USP50: variants seen among roughly 807,000 people sequenced by gnomAD.
USP50 encodes ubiquitin specific peptidase 50, also known as ubiquitin carboxyl-terminal hydrolase 50.
In USP50, 37 loss-of-function variants were observed where a neutral mutation model predicts 39.2. The ratio of observed to expected loss-of-function variants is 0.94; its 90% CI spans 0.73 to 1.24. The LOEUF (loss-of-function observed/expected upper bound fraction) is 1.24, where lower values mean the gene tolerates loss of function less well. Ranked by LOEUF, USP50 falls within the 50% of genes most tolerant of loss-of-function variation. The pLI is 0.00. For missense variants in USP50, 374 were observed against 398.2 expected (o/e 0.94, Z 0.52); for synonymous variants, 139 against 144.5 (o/e 0.96, Z 0.27).
At chr15:50,527,970 T>A (rs2141369573) in intron 6 of USP50, among the ~76,000 whole-genome samples, 1 of 152,224 alleles carries the variant, frequency 6.6e-6, no homozygotes, top group Non-Finnish European at 1.5e-5. Context: ...CTGATGAATC[T>A]TCAATTTGCA....
At chr15:50,525,508 G>GTA (rs945743312) in intron 6 of USP50, among the ~76,000 whole-genome samples, 4 of 129,532 alleles carry the variant, frequency 3.1e-5, no homozygotes, top group African/African-American at 1.2e-4. Flanking sequence ...GTATGTGTGT[G>GTA]TATATATATG....
chr15:50,532,376 A>C, intron 5 of USP50: 1 of 365,790 alleles, frequency 2.7e-6, no homozygotes, highest in Non-Finnish European at 5.4e-6. Flanking sequence ...AAAACACCCA[A>C]CTCCAGCCCA....
At chr15:50,545,937 A>G (rs1305165213) in intron 1 of USP50, among the ~76,000 whole-genome samples, 1 of 151,036 alleles carries the variant, frequency 6.6e-6, no homozygotes, top group Non-Finnish European at 1.5e-5. Flanking sequence ...AATTTTTTTA[A>G]GTGATTGATC....
intron 6 of USP50, 72 bp downstream of exon 6, chr15:50,529,725 T>C (rs1452212617): frequency 9.9e-6 from 15 of 1,517,738 alleles, no homozygotes; most frequent in Non-Finnish European, 1.3e-5. Flanking sequence ...ACAGGAGAAA[T>C]AGGGATTCAA....
chr15:50,521,335 C>A (rs2052849005), intron 6 of USP50, among the ~76,000 whole-genome samples: 1 of 152,184 alleles, frequency 6.6e-6, no homozygotes, highest in Admixed American at 6.5e-5. Context: ...AGCCACCATG[C>A]CCAGCCAAAA....
intron 5 of USP50, among the ~76,000 whole-genome samples, chr15:50,533,472 G>T (rs930827684): frequency 6.6e-6 from 1 of 151,730 alleles, no homozygotes; most frequent in African/African-American, 2.4e-5. Flanking sequence ...AGCCAGAGTG[G>T]GGGGGAAAAA....
At chr15:50,516,020 G>A (rs2052800921) in intron 6 of USP50, among the ~76,000 whole-genome samples, 1 of 152,148 alleles carries the variant, frequency 6.6e-6, no homozygotes, top group South Asian at 2.1e-4. Flanking sequence ...ATAAAATGTT[G>A]AGGGGGAGTA....
Position 50,530,603 on chromosome 15 carries a change from A to T in USP50, c.804-674T>A, listed in dbSNP as rs148172654. ...CTTTCCAAAAATAAAAAATAAAAAA[A>T]AAAAGTAATTTCCTGGAAAGATTAT... is the stretch of plus-strand genomic sequence containing the variant. On this transcript the variant is annotated intron_variant, in intron 5 of 6. Transcript: ENST00000532404. Among the ~76,000 whole-genome samples, 26 of 152,306 alleles carry T rather than the reference A, an allele frequency of 1.7e-4. 1 individual carries two copies. The South Asian group carries it at 1.9e-3, about 11-fold the overall frequency.
chr15:50,536,207 A>G (rs2052979011), intron 5 of USP50, among the ~76,000 whole-genome samples: 1 of 152,242 alleles, frequency 6.6e-6, no homozygotes, highest in African/African-American at 2.4e-5. Flanking sequence ...TACAGATGAC[A>G]TGATTGTATA....
intron 6 of USP50, among the ~76,000 whole-genome samples, chr15:50,525,267 G>A (rs902776523): frequency 2.0e-5 from 3 of 152,088 alleles, no homozygotes; most frequent in African/African-American, 7.2e-5. Context: ...GCTGGGGAGG[G>A]GAGTGAGGAA....
At position 50,536,705 on chromosome 15, in the gene USP50, C is replaced by G. The variant is rs1003347931; in HGVS notation, c.803+2004G>C. Among the ~76,000 whole-genome samples, 7 of 151,802 alleles carry G rather than the reference C, an allele frequency of 4.6e-5. No individual in the cohort carries two copies. In the South Asian group the frequency reaches 6.2e-4, roughly 14 times the overall value. ...ACACAATACCATTCACATTAGCACCCTCAAAAATGAAATACTTAGTTATAA... is the reference window on the plus strand; with the variant it reads ...ACACAATACCATTCACATTAGCACCGTCAAAAATGAAATACTTAGTTATAA... On this transcript the variant is annotated intron_variant, in intron 5 of 6. Coordinates refer to ENST00000532404, the MANE Select transcript of USP50 (RefSeq NM_203494.5).
At chr15:50,493,093 G>C (rs1457918050), downstream of USP50, 1 of 708,596 alleles carries the variant, frequency 1.4e-6, no homozygotes, top group East Asian at 2.9e-5. Flanking sequence ...CTAGGTGCCG[G>C]CATCTGGTGC....
chr15:50,544,964 A>G (rs1000087900), intron 1 of USP50, among the ~76,000 whole-genome samples, 183 bp from the exon 2 acceptor site: 2 of 152,170 alleles, frequency 1.3e-5, no homozygotes, highest in African/African-American at 4.8e-5. Context: ...ATGGCAGAGC[A>G]TAGTGGCTCA....
chr15:50,496,052 C>T (rs770389343), downstream of USP50: 3 of 1,612,996 alleles, frequency 1.9e-6, no homozygotes, highest in Non-Finnish European at 2.5e-6. Context: ...TTTGTCTCTA[C>T]CACTAGCATC....
chr15:50,537,519 A>T (rs1384269569), intron 5 of USP50, among the ~76,000 whole-genome samples: 1 of 136,528 alleles, frequency 7.3e-6, no homozygotes, highest in Non-Finnish European at 1.6e-5. Flanking sequence ...GCCATGGACT[A>T]AAAAAAAAAA....
At chr15:50,536,700 G>A (rs906356191) in intron 5 of USP50, among the ~76,000 whole-genome samples, 21 of 151,574 alleles carry the variant, frequency 1.4e-4, no homozygotes, top group African/African-American at 5.1e-4. Context: ...ATTCACATTA[G>A]CACCCTCAAA....
intron 3 of USP50, among the ~76,000 whole-genome samples, chr15:50,541,736 C>T (rs566458152): frequency 6.6e-6 from 1 of 152,136 alleles, no homozygotes; most frequent in African/African-American, 2.4e-5. Flanking sequence ...CCCATGGCCC[C>T]ATAAGCTACC....
At position 50,541,190 on chromosome 15, in the gene USP50, C is replaced by T; in HGVS notation, c.519G>A (p.Glu173=). Reference sequence around the variant, plus strand: ...CAAACAGCTGGGTGATGATGGATGTCTCAGTGGTAATCCACTTCCTGCAGC... The same window carrying T: ...CAAACAGCTGGGTGATGATGGATGTTTCAGTGGTAATCCACTTCCTGCAGC... ...QRCCRKWITT[E]TSIITQLFEE... is the part of the protein sequence containing the mutation. The change falls in exon 4 of 7, where the codon GAG becomes GAA. Residue 173 remains glutamate, a synonymous_variant. Coordinates refer to ENST00000532404, the MANE Select transcript of USP50 (RefSeq NM_203494.5). 1 of 1,613,928 alleles carries T rather than the reference C, an allele frequency of 6.2e-7. No individual in the cohort carries two copies. Among genetic ancestry groups the T allele is most frequent in the African/African-American group, 1.3e-5 (1 of 75,048 alleles).
intron 3 of USP50, among the ~76,000 whole-genome samples, chr15:50,543,089 T>C (rs1256069053): frequency 6.6e-6 from 1 of 152,198 alleles, no homozygotes; most frequent in East Asian, 1.9e-4. Context: ...AGGTTAGGTA[T>C]GTTTGGTATG....
Sources: gnomAD v4.1 joint callset for allele counts (sites outside exome capture counted in the v4.1 genomes callset) on GRCh38, gnomAD v4.1.1 for gene constraint, MANE v1.5 for transcripts, NCBI Gene and HGNC (gene_info 2026-07-23, HGNC 2026-07-21) for gene names.